Variants in SOX5 observed in about 807,000 individuals in gnomAD.
SOX5 encodes transcription factor SOX-5.
In SOX5, 9 loss-of-function variants were observed where a neutral mutation model predicts 92.0. The ratio of observed to expected loss-of-function variants is 0.10; its 90% CI spans 0.06 to 0.17. SOX5 has a LOEUF of 0.17. Among genes scored for constraint, SOX5 ranks in the 10% least tolerant of loss-of-function variants. The probability of loss-of-function intolerance (pLI) is 1.00; values close to 1 mark genes in which losing one functional copy is unlikely to be tolerated. For synonymous variants in SOX5, 344 were observed against 336.3 expected (o/e 1.02, Z -0.25); for missense variants, 642 against 944.5 (o/e 0.68, Z 4.20).
At chr12:24,212,761 T>A (rs1372134460) in intron 4 of SOX5, among the ~76,000 whole-genome samples, 1 of 152,224 alleles carries the variant, frequency 6.6e-6, no homozygotes, top group African/African-American at 2.4e-5. Flanking sequence ...TCTTTGACTA[T>A]TGAGATCTTT....
intron 4 of SOX5, among the ~76,000 whole-genome samples, chr12:24,181,046 C>A (rs975058223): frequency 6.6e-6 from 1 of 152,146 alleles, no homozygotes; most frequent in Admixed American, 6.5e-5. Context: ...GTTCTCAACA[C>A]AATCTGTCTA....
intron 4 of SOX5, among the ~76,000 whole-genome samples, chr12:24,044,146 A>G (rs1956786883): frequency 6.6e-6 from 1 of 152,214 alleles, no homozygotes; most frequent in Non-Finnish European, 1.5e-5. Flanking sequence ...GTGTCTGTGC[A>G]TGCCTTTGAT....
At chr12:23,676,362 A>C (rs1260271307) in intron 6 of SOX5, among the ~76,000 whole-genome samples, 1 of 152,192 alleles carries the variant, frequency 6.6e-6, no homozygotes, top group Non-Finnish European at 1.5e-5. Context: ...GCAAATGAAT[A>C]ACTGAATATT....
At chr12:24,220,604 G>A (rs1960172351) in intron 3 of SOX5, among the ~76,000 whole-genome samples, 1 of 152,092 alleles carries the variant, frequency 6.6e-6, no homozygotes, top group Non-Finnish European at 1.5e-5. Flanking sequence ...GTTTTCCAAA[G>A]GTTCTAAGTT....
At chr12:24,392,944 G>A (rs1959148763) in intron 1 of SOX5, among the ~76,000 whole-genome samples, 1 of 152,120 alleles carries the variant, frequency 6.6e-6, no homozygotes, top group African/African-American at 2.4e-5. Flanking sequence ...CCCCATGTGA[G>A]AGCCTAGAGT....
chr12:24,399,322 T>C (rs1960914683), intron 1 of SOX5, among the ~76,000 whole-genome samples: 1 of 152,216 alleles, frequency 6.6e-6, no homozygotes, highest in Non-Finnish European at 1.5e-5. Flanking sequence ...ACAACTGATT[T>C]CTTCTCTGGT....
intron 4 of SOX5, among the ~76,000 whole-genome samples, chr12:23,998,291 C>G (rs1448356173): frequency 1.3e-5 from 2 of 151,840 alleles, no homozygotes; most frequent in African/African-American, 4.8e-5. Context: ...AATACAGTAA[C>G]TGAAATGAAA....
intron 3 of SOX5, among the ~76,000 whole-genome samples, chr12:24,257,926 G>A (rs917206613): frequency 6.6e-6 from 1 of 152,016 alleles, no homozygotes; most frequent in Non-Finnish European, 1.5e-5. Flanking sequence ...TGTAATCCCA[G>A]CACTTTGGGA....
intron 10 of SOX5, among the ~76,000 whole-genome samples, chr12:23,570,950 T>A (rs1412315555): frequency 0.035 from 561 of 16,060 alleles, 74 homozygotes; most frequent in Middle Eastern, 0.062. Flanking sequence ...TATATATATA[T>A]ATATATATAT....
chr12:23,772,553 G>A (rs1478789348), intron 3 of SOX5, among the ~76,000 whole-genome samples: 1 of 152,140 alleles, frequency 6.6e-6, no homozygotes, highest in Non-Finnish European at 1.5e-5. Flanking sequence ...TTATATAGCA[G>A]CTACTAATTG....
chr12:23,551,961 T>A (rs1051893695), intron 11 of SOX5, among the ~76,000 whole-genome samples: 7 of 151,892 alleles, frequency 4.6e-5, no homozygotes, highest in Non-Finnish European at 5.9e-5. Context: ...TGAAATGTAT[T>A]AACAGATCAA....
intron 4 of SOX5, among the ~76,000 whole-genome samples, chr12:24,164,384 A>C (rs928245546): frequency 2.0e-5 from 3 of 152,076 alleles, no homozygotes; most frequent in Non-Finnish European, 4.4e-5. Flanking sequence ...ATACATATAT[A>C]TTTTATCTAA....
intron 3 of SOX5, among the ~76,000 whole-genome samples, chr12:24,221,445 T>C (rs1960407095): frequency 6.6e-6 from 1 of 152,266 alleles, no homozygotes; most frequent in Admixed American, 6.5e-5. Flanking sequence ...TGAATAAATG[T>C]ATTCATGAGA....
At chr12:23,951,394 G>T (rs144797669), upstream of SOX5, among the ~76,000 whole-genome samples, 1 of 151,448 alleles carries the variant, frequency 6.6e-6, no homozygotes, top group African/African-American at 2.4e-5. Flanking sequence ...CAACATTAAG[G>T]GCCTTTAAAA....
At chr12:24,187,599 T>C (rs1956139422) in intron 4 of SOX5, among the ~76,000 whole-genome samples, 1 of 152,174 alleles carries the variant, frequency 6.6e-6, no homozygotes, top group African/African-American at 2.4e-5. Flanking sequence ...TCTCACCCTT[T>C]CTCTAGTTTC....
rs113176644 is a variant in SOX5, at chr12:24,338,428, C to T, written c.-174+30135G>A. ...TGTTATTCTCTAAAGAGAATAGGGG[C>T]GAAAAATAAAGTGAAATGTAGAAAA... On this transcript the variant is annotated intron_variant, in intron 2 of 4. Coordinates refer to the SOX5 transcript ENST00000446891. Among the ~76,000 whole-genome samples, 888 of 151,764 alleles carry T rather than the reference C, an allele frequency of 5.9e-3. 6 individuals carry two copies. Among genetic ancestry groups the T allele is most frequent in the South Asian group, 9.4e-3 (45 of 4,782 alleles).
chr12:23,551,357 C>T (rs1284051952), intron 11 of SOX5, among the ~76,000 whole-genome samples: 1 of 151,832 alleles, frequency 6.6e-6, no homozygotes, highest in Non-Finnish European at 1.5e-5. Context: ...CGCATGTCCA[C>T]TCTTTAACCT....
chr12:24,277,769 G>T (rs574211107), intron 2 of SOX5, among the ~76,000 whole-genome samples: 1 of 151,878 alleles, frequency 6.6e-6, no homozygotes, highest in South Asian at 2.1e-4. Flanking sequence ...CTTGCTGCTC[G>T]AAATGATTCA....
intron 4 of SOX5, among the ~76,000 whole-genome samples, chr12:23,746,997 C>T (rs1032779220): frequency 2.6e-5 from 4 of 152,060 alleles, no homozygotes; most frequent in Non-Finnish European, 4.4e-5. Flanking sequence ...CACTTTCCTC[C>T]ATGACTGTGA....
Sources: allele counts gnomAD v4.1 joint callset (sites outside exome capture counted in the v4.1 genomes callset), GRCh38; gene constraint gnomAD v4.1.1; transcripts MANE v1.5; gene names NCBI Gene and HGNC (gene_info 2026-07-23, HGNC 2026-07-21).